KITLG: variants seen among roughly 807,000 people sequenced by gnomAD.
KITLG encodes the protein c-Kit ligand.
KITLG carries 13 observed loss-of-function variants against 34.1 expected under a neutral mutation model. The observed-to-expected ratio is 0.38, with a 90% CI of 0.25 to 0.61. The LOEUF is 0.61. KITLG is among the 20% of genes least tolerant of loss of function. The pLI is 0.60. For synonymous variants in KITLG, 110 were observed against 104.0 expected, an observed-to-expected ratio of 1.06 and a Z score of -0.35; for missense variants, 292 against 318.9, an observed-to-expected ratio of 0.92 and a Z score of 0.64.
chr12:88,571,519 C>A (rs1328554048), intron 1 of KITLG, among the ~76,000 whole-genome samples: 1 of 152,162 alleles, frequency 6.6e-6, no homozygotes, highest in East Asian at 1.9e-4. Flanking sequence ...AACAAAGTAG[C>A]CTTGCCAGTC....
chr12:88,568,271 A>G (rs1871514134), intron 1 of KITLG, among the ~76,000 whole-genome samples: 1 of 149,570 alleles, frequency 6.7e-6, no homozygotes, highest in Non-Finnish European at 1.5e-5. Flanking sequence ...CAATTTCCAC[A>G]TATTATCTCA....
At chr12:88,564,387 A>C (rs942426699) in intron 1 of KITLG, 1 of 75,398 alleles carries the variant, frequency 1.3e-5, no homozygotes, top group East Asian at 4.4e-4. Flanking sequence ...GTAAACAGGG[A>C]AACTGGATAG....
intron 3 of KITLG, among the ~76,000 whole-genome samples, chr12:88,522,284 ATG>A (rs1193307395): frequency 6.6e-6 from 1 of 152,118 alleles, no homozygotes; most frequent in Non-Finnish European, 1.5e-5. Context: ...GAAATAAACC[ATG>A]TGTTTTAAAA....
At chr12:88,572,126 A>G (rs981577634) in intron 1 of KITLG, among the ~76,000 whole-genome samples, 1 of 152,202 alleles carries the variant, frequency 6.6e-6, no homozygotes, top group African/African-American at 2.4e-5. Flanking sequence ...CACATAGTAC[A>G]GTAAATTTCA....
At position 88,507,016 on chromosome 12, in the gene KITLG, G is replaced by T. The variant is rs770406594; in HGVS notation, c.714+12C>A. ...ATAGCATATTTTTAAAAAAAGGAAT[G>T]GTACCACTTACCTTCCAGTATAAGG... On this transcript the variant is annotated intron_variant, in intron 7 of 9. Transcript: ENST00000644744. 2.2e-6 allele frequency: 3 copies of T among 1,363,476 alleles called. No homozygotes were observed. Among genetic ancestry groups the T allele is most frequent in the Admixed American group, 3.4e-5 (2 of 59,678 alleles). The allele number at this position is 1,363,476 out of a possible 1,614,324, so 84.5% of individuals were successfully genotyped here. A position where few individuals can be genotyped will look rare whatever the true frequency, so the allele number is the denominator to read the frequency against.
At chr12:88,506,255 T>C in intron 8 of KITLG, 56 bp downstream of exon 8, 1 of 1,159,296 alleles carries the variant, frequency 8.6e-7, no homozygotes, top group Non-Finnish European at 1.3e-6. Flanking sequence ...AGGTACACAG[T>C]GTGTGAAATG....
chr12:88,513,926 A>G (rs1383222853), intron 6 of KITLG, among the ~76,000 whole-genome samples: 1 of 151,688 alleles, frequency 6.6e-6, no homozygotes, highest in Non-Finnish European at 1.5e-5. Context: ...CCAAATTTGA[A>G]TGCTGCATTC....
intron 1 of KITLG, among the ~76,000 whole-genome samples, chr12:88,550,023 A>AT (rs1376765172): frequency 6.6e-6 from 1 of 152,204 alleles, no homozygotes. Flanking sequence ...GTTTGGCAAC[A>AT]TTAAGGTCAC....
chr12:88,532,280 AG>A, intron 3 of KITLG, among the ~76,000 whole-genome samples, 160 bp downstream of exon 3: 1 of 152,112 alleles, frequency 6.6e-6, no homozygotes, highest in East Asian at 1.9e-4. Flanking sequence ...GTTGCTTAAG[AG>A]GGGGAAAAAA....
At chr12:88,512,361 GAA>G (rs1038973668) in intron 6 of KITLG, among the ~76,000 whole-genome samples, 1 of 151,950 alleles carries the variant, frequency 6.6e-6, no homozygotes, top group African/African-American at 2.4e-5. Flanking sequence ...AGAACACAGA[GAA>G]AAGAGGATAA....
intron 1 of KITLG, among the ~76,000 whole-genome samples, chr12:88,576,381 T>G (rs909047444): frequency 2.0e-5 from 3 of 152,166 alleles, no homozygotes; most frequent in Non-Finnish European, 4.4e-5. Flanking sequence ...CTTGGTTCAT[T>G]AGGCATAATT....
intron 3 of KITLG, among the ~76,000 whole-genome samples, chr12:88,524,741 G>A (rs898939927): frequency 6.6e-6 from 1 of 152,112 alleles, no homozygotes; most frequent in Non-Finnish European, 1.5e-5. Context: ...CTGTAGTACA[G>A]TATACAAAAG....
rs11836241 is a variant in KITLG, at chr12:88,535,490, G to A, written c.130-2987C>T. Reference sequence around the variant, plus strand: ...GTTAACCGGTATCCCCAAGGTACACGCATTAGGAGTAACTGGTGCAGGTAG... The same window carrying A: ...GTTAACCGGTATCCCCAAGGTACACACATTAGGAGTAACTGGTGCAGGTAG... On this transcript the variant is annotated intron_variant, in intron 2 of 9. Transcript: ENST00000644744. Among the ~76,000 whole-genome samples, 621 of 152,220 alleles carry A rather than the reference G, an allele frequency of 4.1e-3. 1 individual carries two copies. The highest frequency in any genetic ancestry group is 9.9e-3 in the African/African-American group (410 of 41,542).
chr12:88,511,189 G>A (rs1377901660), intron 6 of KITLG, among the ~76,000 whole-genome samples: 1 of 152,226 alleles, frequency 6.6e-6, no homozygotes, highest in Non-Finnish European at 1.5e-5. Context: ...TATTTAGTTT[G>A]TCTTTTAAAA....
chr12:88,540,326 T>A (rs190724205), intron 2 of KITLG, among the ~76,000 whole-genome samples: 11 of 152,266 alleles, frequency 7.2e-5, no homozygotes, highest in Non-Finnish European at 1.3e-4. Context: ...GGGTCAAACC[T>A]CTACTCAACT....
chr12:88,508,674 C>A (rs1472507323), intron 6 of KITLG, among the ~76,000 whole-genome samples: 1 of 151,868 alleles, frequency 6.6e-6, no homozygotes. Context: ...ATTCACATAA[C>A]CATGAATATC....
At chr12:88,544,507 T>G (rs1870638886) in intron 2 of KITLG, among the ~76,000 whole-genome samples, 1 of 76,774 alleles carries the variant, frequency 1.3e-5, no homozygotes, top group Admixed American at 1.8e-4. Context: ...AAACAGTATG[T>G]TTTTAAAAAA....
intron 1 of KITLG, among the ~76,000 whole-genome samples, chr12:88,573,158 C>T (rs1249147229): frequency 6.6e-6 from 1 of 152,180 alleles, no homozygotes; most frequent in Non-Finnish European, 1.5e-5. Flanking sequence ...ATGAAAACAT[C>T]TCTACCCTCC....
At chr12:88,550,465 G>T (rs1030025652) in intron 1 of KITLG, among the ~76,000 whole-genome samples, 1 of 152,158 alleles carries the variant, frequency 6.6e-6, no homozygotes, top group Non-Finnish European at 1.5e-5. Flanking sequence ...GCAGAGCGCT[G>T]GAATGTGAAT....
Sources: allele counts gnomAD v4.1 joint callset (sites outside exome capture counted in the v4.1 genomes callset), GRCh38; gene constraint gnomAD v4.1.1; transcripts MANE v1.5; gene names NCBI Gene and HGNC (gene_info 2026-07-23, HGNC 2026-07-21).